Variants in PTPRG observed in about 807,000 individuals in gnomAD.
PTPRG encodes protein tyrosine phosphatase receptor type G, also known as receptor-type tyrosine-protein phosphatase gamma.
Under a neutral mutation model 165.3 loss-of-function variants are expected in PTPRG, and 102 were observed. That is an observed-to-expected ratio of 0.62 (90% CI 0.53 to 0.73). PTPRG has a LOEUF of 0.73. PTPRG is among the 30% of genes least tolerant of loss of function. The pLI is 0.00. For synonymous variants in PTPRG, 675 were observed against 669.5 expected, an observed-to-expected ratio of 1.01 and a Z score of -0.13; for missense variants, 1,866 against 1,861.4, an observed-to-expected ratio of 1.00 and a Z score of -0.05.
chr3:61,793,647 A>G (rs1276552842), intron 2 of PTPRG, among the ~76,000 whole-genome samples: 1 of 151,954 alleles, frequency 6.6e-6, no homozygotes, highest in Admixed American at 6.5e-5. Context: ...AGCTATTGAT[A>G]AAAAAATAAT....
chr3:61,865,577 A>T (rs558824540), intron 2 of PTPRG, among the ~76,000 whole-genome samples: 3 of 152,156 alleles, frequency 2.0e-5, no homozygotes, highest in African/African-American at 7.2e-5. Context: ...CTTCATATGG[A>T]TGGCCCGATA....
intron 1 of PTPRG, among the ~76,000 whole-genome samples, chr3:61,671,952 C>T (rs1703012217): frequency 7.2e-6 from 1 of 138,646 alleles, no homozygotes; most frequent in Non-Finnish European, 1.6e-5. Context: ...AGATGCTCCT[C>T]ACTTCCCAGA....
intron 2 of PTPRG, among the ~76,000 whole-genome samples, chr3:61,960,570 A>C (rs1253724804): frequency 6.6e-6 from 1 of 152,188 alleles, no homozygotes; most frequent in Non-Finnish European, 1.5e-5. Context: ...TGGGAACAAG[A>C]AATTTAATAT....
Position 62,281,543 on chromosome 3 carries a change from T to TTTTTTTTTTTTTTTTTTTTTTG in PTPRG, c.3766-12_3766-11insTTTTTTTTTTTTTGTTTTTTTT. On this transcript the variant is annotated intron_variant, in intron 26 of 29. Transcript: ENST00000474889. ...CCTTGACAGAACTGCAGAGGCTTTTTTTTTTTTTGGATTCCAAAGGCAGAA... is the reference window on the plus strand; with the variant it reads ...CCTTGACAGAACTGCAGAGGCTTTTTTTTTTTTTTTTTTTTTTTTTTGTTTTTTTTGGATTCCAAAGGCAGAA... 7.4e-7 allele frequency: 1 copy of TTTTTTTTTTTTTTTTTTTTTTG among 1,351,116 alleles called. No homozygotes were observed. The highest frequency in any genetic ancestry group is 9.9e-7 in the Non-Finnish European group (1 of 1,012,076). The allele number at this position is 1,351,116 out of a possible 1,614,324, so 83.7% of individuals were successfully genotyped here.
At chr3:61,839,292 G>T (rs1291207351) in intron 2 of PTPRG, among the ~76,000 whole-genome samples, 1 of 152,132 alleles carries the variant, frequency 6.6e-6, no homozygotes, top group Non-Finnish European at 1.5e-5. Flanking sequence ...CGGTAGATTA[G>T]AGTTTGGCCT....
At chr3:61,993,365 G>A (rs1007214583) in intron 3 of PTPRG, among the ~76,000 whole-genome samples, 1 of 151,946 alleles carries the variant, frequency 6.6e-6, no homozygotes, top group Non-Finnish European at 1.5e-5. Context: ...TTACAGGCAT[G>A]CGCCACCACA....
At chr3:61,783,136 A>C (rs1354707074) in intron 2 of PTPRG, among the ~76,000 whole-genome samples, 1 of 152,156 alleles carries the variant, frequency 6.6e-6, no homozygotes, top group Non-Finnish European at 1.5e-5. Context: ...TTTGTAATTC[A>C]CTTTTTAAAA....
chr3:62,128,375 C>T (rs528077149), intron 5 of PTPRG, among the ~76,000 whole-genome samples: 2 of 152,070 alleles, frequency 1.3e-5, no homozygotes, highest in African/African-American at 4.8e-5. Flanking sequence ...TTAAAAGGAA[C>T]AGCATATTAC....
intron 16 of PTPRG, among the ~76,000 whole-genome samples, chr3:62,261,282 C>T (rs570421717): frequency 1.1e-4 from 16 of 152,318 alleles, no homozygotes; most frequent in African/African-American, 3.8e-4. Flanking sequence ...AAGTTGTCTG[C>T]CCTTGAAACT....
chr3:61,905,633 A>G (rs1317935836), intron 2 of PTPRG, among the ~76,000 whole-genome samples: 1 of 152,162 alleles, frequency 6.6e-6, no homozygotes, highest in East Asian at 1.9e-4. Context: ...TTTGGTCTGT[A>G]TTTCAGTTAA....
Position 61,697,013 on chromosome 3 carries a change from A to G in PTPRG, c.86-51865A>G, listed in dbSNP as rs981345568. On this transcript the variant is annotated intron_variant, in intron 1 of 29. Transcript: ENST00000474889. ...GATTGATTTTGATGGAATTCAGGAC[A>G]TACTACTCCAAAATATGGCACCTTG... 8.5e-5 allele frequency among the ~76,000 whole-genome samples: 13 copies of G among 152,316 alleles called. No individual in the cohort carries two copies. The South Asian group carries it at 1.9e-3, about 22-fold the overall frequency.
intron 2 of PTPRG, among the ~76,000 whole-genome samples, chr3:61,983,823 C>T (rs1169492755): frequency 6.6e-6 from 1 of 151,950 alleles, no homozygotes. Flanking sequence ...TTTATTTGTC[C>T]TTATTTGGAC....
chr3:61,728,874 CA>C (rs3032404), intron 1 of PTPRG, among the ~76,000 whole-genome samples: 3,842 of 102,960 alleles, frequency 0.037, 125 homozygotes, highest in African/African-American at 0.1. Flanking sequence ...TAATCTGTAC[CA>C]AAAAAAAAAA....
At chr3:61,951,808 G>A (rs2039905293) in intron 2 of PTPRG, among the ~76,000 whole-genome samples, 1 of 152,088 alleles carries the variant, frequency 6.6e-6, no homozygotes, top group Non-Finnish European at 1.5e-5. Context: ...AGCAAGTAAC[G>A]CAAACCCAAA....
chr3:62,186,534 A>G (rs1270878994), intron 8 of PTPRG, among the ~76,000 whole-genome samples: 2 of 147,812 alleles, frequency 1.4e-5, no homozygotes, highest in African/African-American at 2.5e-5. Context: ...TCAGAGGGGA[A>G]GCAGGGTGTT....
At chr3:62,135,206 C>T (rs1198523782) in intron 6 of PTPRG, among the ~76,000 whole-genome samples, 2 of 148,036 alleles carry the variant, frequency 1.4e-5, no homozygotes, top group South Asian at 2.1e-4. Flanking sequence ...CCCAGGAGAT[C>T]GAGGCTGTAG....
intron 2 of PTPRG, among the ~76,000 whole-genome samples, chr3:61,817,087 ATATTACATAT>A (rs1393512943): frequency 1.2e-4 from 16 of 132,232 alleles, no homozygotes; most frequent in African/African-American, 3.1e-4. Flanking sequence ...TATATAATAT[ATATTACATAT>A]TATTACATAT....
chr3:62,074,352 C>CTTTCTTTCTTTTTTT (rs1701310935), intron 4 of PTPRG, among the ~76,000 whole-genome samples: 1 of 109,114 alleles, frequency 9.2e-6, no homozygotes, highest in African/African-American at 3.8e-5. Flanking sequence ...TCTTTTCTTT[C>CTTTCTTTCTTTTTTT]TTTTTTTTTT....
chr3:61,646,206 A>G (rs1205272320), intron 1 of PTPRG, among the ~76,000 whole-genome samples: 1 of 152,120 alleles, frequency 6.6e-6, no homozygotes, highest in African/African-American at 2.4e-5. Context: ...CCTGAACTGA[A>G]GCAATCCTCC....
Sources: allele counts gnomAD v4.1 joint callset (sites outside exome capture counted in the v4.1 genomes callset), GRCh38; gene constraint gnomAD v4.1.1; transcripts MANE v1.5; gene names NCBI Gene and HGNC (gene_info 2026-07-23, HGNC 2026-07-21).